Variants in IMMP2L observed in about 807,000 individuals in gnomAD.
IMMP2L encodes inner mitochondrial membrane peptidase subunit 2, also known as mitochondrial inner membrane protease subunit 2.
A neutral mutation model predicts 19.3 loss-of-function variants in IMMP2L; 18 were observed. The observed-to-expected ratio is 0.93, with a 90% CI of 0.64 to 1.38. IMMP2L has a LOEUF of 1.38. Among genes scored for constraint, IMMP2L ranks in the 40% most tolerant of loss-of-function variants. The probability of loss-of-function intolerance (pLI) is 0.00; values close to 1 mark genes in which losing one functional copy is unlikely to be tolerated. For synonymous variants in IMMP2L, 76 were observed against 73.0 expected (o/e 1.04, Z -0.21); for missense variants, 233 against 218.2 (o/e 1.07, Z -0.43).
At chr7:111,295,354 T>C (rs1435433917) in intron 3 of IMMP2L, among the ~76,000 whole-genome samples, 2 of 151,878 alleles carry the variant, frequency 1.3e-5, no homozygotes, top group East Asian at 1.9e-4. Flanking sequence ...GGGTGGTAAG[T>C]TGGCAAAACA....
intron 3 of IMMP2L, among the ~76,000 whole-genome samples, chr7:111,462,300 C>G (rs536572931): frequency 6.6e-6 from 1 of 152,020 alleles, no homozygotes; most frequent in African/African-American, 2.4e-5. Context: ...TGATCATCAC[C>G]TGAATAAGAT....
chr7:111,082,328 G>C (rs1471710304), intron 3 of IMMP2L, among the ~76,000 whole-genome samples: 6 of 152,126 alleles, frequency 3.9e-5, no homozygotes, highest in African/African-American at 1.4e-4. Flanking sequence ...TGATTACGTG[G>C]GCAAGCAAAG....
intron 3 of IMMP2L, among the ~76,000 whole-genome samples, chr7:111,090,816 CCTCT>C (rs1796781166): frequency 6.6e-6 from 1 of 152,058 alleles, no homozygotes; most frequent in Admixed American, 6.6e-5. Context: ...AGTAGTGTGT[CCTCT>C]CTATTTGCAG....
At chr7:110,949,445 A>T (rs902595114) in intron 4 of IMMP2L, among the ~76,000 whole-genome samples, 4 of 152,174 alleles carry the variant, frequency 2.6e-5, no homozygotes, top group African/African-American at 9.7e-5. Context: ...GTTGGCCAAG[A>T]CTAAAAATAA....
rs184516483 is a variant in IMMP2L, at chr7:111,058,548, T to G, written c.240-94983A>C. Among the ~76,000 whole-genome samples the G allele has an allele frequency of 3.2e-3, 491 of 152,330 alleles. 2 individuals carry two copies. The highest frequency in any genetic ancestry group is 0.01 in the Middle Eastern group (3 of 294). Reference sequence around the variant, plus strand: ...AGAACAGGGTTCCTTATATTATTATTTTAAAATGAATTTGCGCATTTATGA... The same window carrying G: ...AGAACAGGGTTCCTTATATTATTATGTTAAAATGAATTTGCGCATTTATGA... On this transcript the variant is annotated intron_variant, in intron 3 of 5. Coordinates refer to ENST00000405709, the MANE Select transcript of IMMP2L (RefSeq NM_032549.4).
intron 5 of IMMP2L, among the ~76,000 whole-genome samples, chr7:110,714,991 A>G (rs779147559): frequency 4.0e-5 from 6 of 151,816 alleles, no homozygotes; most frequent in African/African-American, 9.7e-5. Context: ...CCTGTTTTCA[A>G]TTTCGGGAGG....
At chr7:110,926,085 G>C (rs747000735) in intron 4 of IMMP2L, among the ~76,000 whole-genome samples, 1 of 151,894 alleles carries the variant, frequency 6.6e-6, no homozygotes, top group Admixed American at 6.6e-5. Context: ...TTTTCTAAGA[G>C]GCTATGATAC....
chr7:111,186,052 T>C (rs988596225), intron 3 of IMMP2L, among the ~76,000 whole-genome samples: 8 of 152,176 alleles, frequency 5.3e-5, no homozygotes, highest in African/African-American at 1.4e-4. Flanking sequence ...AAATATATAA[T>C]AACATCACAA....
intron 3 of IMMP2L, among the ~76,000 whole-genome samples, chr7:111,413,419 A>G (rs1027645868): frequency 2.6e-5 from 4 of 152,136 alleles, no homozygotes; most frequent in Non-Finnish European, 4.4e-5. Flanking sequence ...AGACAGACCA[A>G]TGTATCTCAT....
rs116870806 is a variant in IMMP2L, at chr7:110,774,220, T to C, written c.409-110499A>G. Among the ~76,000 whole-genome samples, 641 of 152,224 alleles carry C rather than the reference T, an allele frequency of 4.2e-3. 2 individuals carry two copies. Among genetic ancestry groups the C allele is most frequent in the Non-Finnish European group, 4.6e-3 (316 of 67,998 alleles). On this transcript the variant is annotated intron_variant, in intron 5 of 5. Transcript: ENST00000405709. ...AATCAGTAACTGGTAAACCTTCAGT[T>C]ACCTAAAACCTGTTTTTCCTGAAAC... is the stretch of plus-strand genomic sequence containing the variant.
chr7:111,468,745 A>AGCTC (rs1840925675), intron 3 of IMMP2L, among the ~76,000 whole-genome samples: 1 of 152,158 alleles, frequency 6.6e-6, no homozygotes, highest in Non-Finnish European at 1.5e-5. Flanking sequence ...GACTTAGTAA[A>AGCTC]TGGAGAAAAG....
In IMMP2L at chr7:110,962,983, A is replaced by G. The variant is rs898241254; in HGVS notation, c.305+517T>C. ...CAAGTACAATAAATACGACATTACTAAAGGCTGCTTAAACACCTGATTGTT... is the reference window on the plus strand; with the variant it reads ...CAAGTACAATAAATACGACATTACTGAAGGCTGCTTAAACACCTGATTGTT... On this transcript the variant is annotated intron_variant, in intron 4 of 5. Coordinates refer to ENST00000405709, the MANE Select transcript of IMMP2L (RefSeq NM_032549.4). The G allele has an allele frequency of 4.7e-6, 7 of 1,486,894 alleles. No homozygotes were observed. In the African/African-American group the frequency reaches 8.5e-5, roughly 18 times the overall value. 92.1% of individuals were successfully genotyped at this position (1,486,894 alleles called of 1,614,324 possible). A position where few individuals can be genotyped will look rare whatever the true frequency, so the allele number is the denominator to read the frequency against.
Position 111,441,489 on chromosome 7 carries a change from G to A in IMMP2L, c.239+45749C>T, listed in dbSNP as rs1468812723. On this transcript the variant is annotated intron_variant, in intron 3 of 5. Coordinates refer to ENST00000405709, the MANE Select transcript of IMMP2L (RefSeq NM_032549.4). ...GTCAAGTCAGAACCTAGCACTTACT[G>A]ATTAGGTCGGGCATGTTATATGAGT... Among the ~76,000 whole-genome samples the A allele has an allele frequency of 1.3e-5, 2 of 151,732 alleles. 1 individual carries two copies. The highest frequency in any genetic ancestry group is 4.9e-5 in the African/African-American group (2 of 41,072).
At chr7:111,111,623 C>A (rs974933128) in intron 3 of IMMP2L, among the ~76,000 whole-genome samples, 3 of 152,006 alleles carry the variant, frequency 2.0e-5, no homozygotes, top group Non-Finnish European at 4.4e-5. Context: ...CACCATAAAG[C>A]TCTTACGAAC....
intron 4 of IMMP2L, among the ~76,000 whole-genome samples, chr7:110,948,282 A>G (rs1309616772): frequency 6.6e-6 from 1 of 152,210 alleles, no homozygotes; most frequent in Non-Finnish European, 1.5e-5. Context: ...ACATTTAAAT[A>G]TGGAAATAAT....
intron 3 of IMMP2L, among the ~76,000 whole-genome samples, chr7:111,023,224 GA>G (rs1380576745): frequency 1.3e-5 from 2 of 152,124 alleles, no homozygotes; most frequent in African/African-American, 4.8e-5. Flanking sequence ...AGGGATTATT[GA>G]AAGTAAGCTT....
intron 3 of IMMP2L, among the ~76,000 whole-genome samples, chr7:111,201,016 G>A (rs1483183901): frequency 6.6e-6 from 1 of 152,066 alleles, no homozygotes; most frequent in East Asian, 1.9e-4. Context: ...TTTAGATTAA[G>A]TCTTCTATAA....
At chr7:110,776,701 A>C (rs968818369) in intron 5 of IMMP2L, among the ~76,000 whole-genome samples, 1 of 152,022 alleles carries the variant, frequency 6.6e-6, no homozygotes, top group South Asian at 2.1e-4. Context: ...GAAGAGATCT[A>C]TATCTTCCAC....
chr7:110,734,736 C>T (rs928840507), intron 5 of IMMP2L, among the ~76,000 whole-genome samples: 5 of 152,000 alleles, frequency 3.3e-5, no homozygotes, highest in Non-Finnish European at 7.4e-5. Context: ...AACAAACAAA[C>T]AAACAAACAA....
Sources: gnomAD v4.1 joint callset for allele counts (sites outside exome capture counted in the v4.1 genomes callset) on GRCh38, gnomAD v4.1.1 for gene constraint, MANE v1.5 for transcripts, NCBI Gene and HGNC (gene_info 2026-07-23, HGNC 2026-07-21) for gene names.